UVRAG: variants seen among roughly 807,000 people sequenced by gnomAD.
The protein encoded by UVRAG is UV radiation resistance associated, also known as UV radiation resistance-associated gene protein.
UVRAG carries 19 observed loss-of-function variants against 78.0 expected under a neutral mutation model. The ratio of observed to expected loss-of-function variants is 0.24; its 90% CI spans 0.17 to 0.36. The LOEUF (loss-of-function observed/expected upper bound fraction) is 0.36. UVRAG is among the 10% of genes least tolerant of loss of function. The pLI is 1.00. For missense variants in UVRAG, 740 were observed against 853.8 expected, an observed-to-expected ratio of 0.87 and a Z score of 1.66; for synonymous variants, 323 against 324.6, an observed-to-expected ratio of 1.00 and a Z score of 0.05.
chr11:75,910,315 C>T (rs1460028368), intron 5 of UVRAG, among the ~76,000 whole-genome samples: 1 of 152,080 alleles, frequency 6.6e-6, no homozygotes, highest in East Asian at 1.9e-4. Context: ...TTAATTCCCG[C>T]ATTTTGTGAG....
chr11:75,896,924 A>G (rs1371768801), intron 5 of UVRAG, among the ~76,000 whole-genome samples: 1 of 152,240 alleles, frequency 6.6e-6, no homozygotes, highest in Non-Finnish European at 1.5e-5. Flanking sequence ...TCTAAAGATT[A>G]AAGAGCTGTG....
chr11:76,119,423 C>T (rs1343983366), intron 14 of UVRAG, among the ~76,000 whole-genome samples: 1 of 152,110 alleles, frequency 6.6e-6, no homozygotes, highest in African/African-American at 2.4e-5. Flanking sequence ...CTTATGACTC[C>T]CAAAGTTTTG....
At chr11:75,952,455 T>A (rs1275569311) in intron 6 of UVRAG, among the ~76,000 whole-genome samples, 2 of 151,886 alleles carry the variant, frequency 1.3e-5, no homozygotes, top group African/African-American at 2.4e-5. Context: ...GTTTTTTTTT[T>A]ATTTTTAACC....
intron 13 of UVRAG, among the ~76,000 whole-genome samples, chr11:76,094,251 T>G (rs1951751173): frequency 6.6e-6 from 1 of 152,194 alleles, no homozygotes; most frequent in South Asian, 2.1e-4. Flanking sequence ...GCTGCTGGAT[T>G]CAGTTTGCCA....
At chr11:75,995,053 G>A (rs1185380009) in intron 8 of UVRAG, among the ~76,000 whole-genome samples, 1 of 152,062 alleles carries the variant, frequency 6.6e-6, no homozygotes, top group Admixed American at 6.6e-5. Context: ...TAAGATTTTG[G>A]TTATCTCAGA....
intron 14 of UVRAG, among the ~76,000 whole-genome samples, chr11:76,118,954 T>G (rs1470659035): frequency 1.3e-5 from 2 of 152,170 alleles, no homozygotes; most frequent in African/African-American, 4.8e-5. Context: ...AAACTACTGT[T>G]TTTTGTTTGT....
intron 5 of UVRAG, among the ~76,000 whole-genome samples, chr11:75,908,666 A>G (rs58050930): frequency 0.11 from 15,579 of 146,506 alleles, 1,556 homozygotes; most frequent in African/African-American, 0.27. Flanking sequence ...AAGGATTGGC[A>G]TTAAATAATT....
chr11:76,139,279 A>G (rs1952658498), intron 14 of UVRAG, among the ~76,000 whole-genome samples: 1 of 152,198 alleles, frequency 6.6e-6, no homozygotes. Context: ...GTGGCTGTAG[A>G]CACAAGTGGA....
chr11:76,034,296 C>T (rs537469150), intron 12 of UVRAG, among the ~76,000 whole-genome samples: 2 of 148,980 alleles, frequency 1.3e-5, no homozygotes, highest in African/African-American at 2.6e-5. Context: ...GTCTCAAGCA[C>T]ATCTCCCACC....
chr11:75,888,929 A>T, intron 5 of UVRAG, 26 bp downstream of exon 5: 3 of 1,602,476 alleles, frequency 1.9e-6, no homozygotes, highest in Non-Finnish European at 2.6e-6. Context: ...TAATGTTATG[A>T]ATTTTGTTTA....
chr11:75,824,262 T>C (rs1945462103), intron 1 of UVRAG, among the ~76,000 whole-genome samples: 1 of 152,214 alleles, frequency 6.6e-6, no homozygotes. Context: ...GTTTGGCTCT[T>C]ATAAATAAAA....
intron 8 of UVRAG, among the ~76,000 whole-genome samples, chr11:75,990,545 A>T (rs190615967): frequency 6.6e-6 from 1 of 152,354 alleles, no homozygotes; most frequent in Admixed American, 6.5e-5. Context: ...TCTCAGCCCA[A>T]GATGACTTAC....
At chr11:75,952,469 A>G (rs1948721485) in intron 6 of UVRAG, among the ~76,000 whole-genome samples, 1 of 151,726 alleles carries the variant, frequency 6.6e-6, no homozygotes. Context: ...TTTAACCATT[A>G]ACAGGTATTA....
At chr11:76,093,581 G>T (rs2134431888) in intron 13 of UVRAG, among the ~76,000 whole-genome samples, 1 of 152,266 alleles carries the variant, frequency 6.6e-6, no homozygotes, top group East Asian at 1.9e-4. Flanking sequence ...CACCTCCCTT[G>T]TAAGTTAGAT....
intron 13 of UVRAG, among the ~76,000 whole-genome samples, chr11:76,085,063 CAAAAAAAAAA>C (rs781218840): frequency 0.014 from 702 of 49,602 alleles, 8 homozygotes; most frequent in African/African-American, 0.033. Context: ...GACCCTGTCT[CAAAAAAAAAA>C]AAAAAAAAAA....
chr11:75,825,786 C>A (rs939870662), intron 1 of UVRAG, among the ~76,000 whole-genome samples: 3 of 151,918 alleles, frequency 2.0e-5, no homozygotes, highest in Admixed American at 1.3e-4. Context: ...TAAACAGAAC[C>A]TGGGTCTTGT....
At chr11:75,961,330 CAATT>C (rs1948906149) in intron 6 of UVRAG, 110 bp from the exon 7 acceptor site, 1 of 743,286 alleles carries the variant, frequency 1.3e-6, no homozygotes, top group Admixed American at 3.3e-5. Context: ...AATTAAAAAT[CAATT>C]GAGTTCATTA....
intron 12 of UVRAG, among the ~76,000 whole-genome samples, chr11:76,023,047 T>G (rs1041971915): frequency 6.6e-6 from 1 of 152,136 alleles, no homozygotes; most frequent in Non-Finnish European, 1.5e-5. Flanking sequence ...TCTATACACC[T>G]CTCCTCCTCC....
intron 12 of UVRAG, among the ~76,000 whole-genome samples, chr11:76,057,819 C>T (rs1376237707): frequency 6.6e-6 from 1 of 152,030 alleles, no homozygotes; most frequent in Admixed American, 6.6e-5. Context: ...GGGTCTATAG[C>T]TTTTGGTCAC....
Sources: gnomAD v4.1 joint callset for allele counts (sites outside exome capture counted in the v4.1 genomes callset) on GRCh38, gnomAD v4.1.1 for gene constraint, MANE v1.5 for transcripts, NCBI Gene and HGNC (gene_info 2026-07-23, HGNC 2026-07-21) for gene names.